The following ANO3 variants were observed in gnomAD, a reference collection of about 807,000 sequenced individuals.
ANO3 encodes the protein anoctamin 3, also known as anoctamin-3.
Under a neutral mutation model 144.8 loss-of-function variants are expected in ANO3, and 99 were observed. The observed-to-expected ratio is 0.68, with a 90% confidence interval of 0.58 to 0.81. ANO3 has a LOEUF of 0.81. Ranked by LOEUF, ANO3 falls within the 30% of genes least tolerant of loss-of-function variation. ANO3 has a pLI of 0.00. For missense variants in ANO3, 905 were observed against 1,202.2 expected (o/e 0.75, Z 3.66); for synonymous variants, 414 against 392.6 (o/e 1.05, Z -0.64).
intron 14 of ANO3, among the ~76,000 whole-genome samples, chr11:26,586,714 A>AG (rs11429922): frequency 0.87 from 131,853 of 150,906 alleles, 57,936 homozygotes; most frequent in East Asian, 0.96. Context: ...CGTGTTAGCC[A>AG]GATGGTCTCG....
At chr11:26,264,506 A>G (rs989965011) in intron 1 of ANO3, among the ~76,000 whole-genome samples, 2 of 152,194 alleles carry the variant, frequency 1.3e-5, no homozygotes, top group Admixed American at 6.5e-5. Flanking sequence ...TTATTTTGAT[A>G]CTATTTGTGT....
At chr11:26,576,656 G>T (rs1036199336) in intron 14 of ANO3, among the ~76,000 whole-genome samples, 44 of 152,034 alleles carry the variant, frequency 2.9e-4, no homozygotes, top group African/African-American at 9.7e-4. Flanking sequence ...TCCTCCTGCT[G>T]CATTTTCTTC....
chr11:26,273,246 A>T (rs79033400), intron 1 of ANO3, among the ~76,000 whole-genome samples: 16,888 of 77,378 alleles, frequency 0.22, 970 homozygotes, highest in African/African-American at 0.25. Context: ...TTTTTTTTTT[A>T]TATTGGACAA....
intron 1 of ANO3, among the ~76,000 whole-genome samples, chr11:26,236,111 T>C (rs1361132719): frequency 6.6e-6 from 1 of 152,202 alleles, no homozygotes; most frequent in Non-Finnish European, 1.5e-5. Context: ...AGGTCCACAT[T>C]ATCCCATTCT....
At position 26,401,969 on chromosome 11, in the gene ANO3, C is replaced by T. The variant is rs116960616; in HGVS notation, c.47-39949C>T. Among the ~76,000 whole-genome samples, 21 of 152,148 alleles carry T rather than the reference C, an allele frequency of 1.4e-4. No individual in the cohort carries two copies. The East Asian group carries it at 3.5e-3, about 25-fold the overall frequency. On this transcript the variant is annotated intron_variant, in intron 1 of 26. Coordinates refer to ENST00000256737, the MANE Select transcript of ANO3 (RefSeq NM_031418.4). ...GCAAAACAGCTTAAACAGTGAGGAA[C>T]ATGATCTCATTCTTTTTATGGTTAC... is the stretch of plus-strand genomic sequence containing the variant.
At chr11:26,310,285 G>T (rs182457261) in intron 1 of ANO3, among the ~76,000 whole-genome samples, 17 of 152,154 alleles carry the variant, frequency 1.1e-4, no homozygotes, top group African/African-American at 4.1e-4. Context: ...TTTGAGGCCC[G>T]CTTTTCAAGA....
intron 1 of ANO3, among the ~76,000 whole-genome samples, chr11:26,276,863 A>T (rs1853570509): frequency 6.6e-6 from 1 of 152,134 alleles, no homozygotes; most frequent in South Asian, 2.1e-4. Context: ...AAAGAGACTC[A>T]AATGATATTT....
intron 17 of ANO3, among the ~76,000 whole-genome samples, chr11:26,615,799 G>T (rs1209229628): frequency 6.6e-6 from 1 of 151,834 alleles, no homozygotes; most frequent in Admixed American, 6.6e-5. Flanking sequence ...TCATTTCAAG[G>T]TATGAAAACA....
At chr11:26,379,262 T>C (rs1410370159) in intron 1 of ANO3, among the ~76,000 whole-genome samples, 1 of 152,164 alleles carries the variant, frequency 6.6e-6, no homozygotes, top group Admixed American at 6.6e-5. Flanking sequence ...ATACAGAATC[T>C]CATAACCCTG....
At chr11:26,279,561 A>G (rs1853632870) in intron 1 of ANO3, among the ~76,000 whole-genome samples, 1 of 152,214 alleles carries the variant, frequency 6.6e-6, no homozygotes, top group South Asian at 2.1e-4. Flanking sequence ...AAGAGTACAA[A>G]TAGTCAAGAA....
chr11:26,554,101 T>C (rs966007320), intron 13 of ANO3, among the ~76,000 whole-genome samples: 2 of 152,106 alleles, frequency 1.3e-5, no homozygotes, highest in Admixed American at 1.3e-4. Context: ...CTCCCTGACC[T>C]TCCCCTGTGC....
Position 26,332,766 on chromosome 11 carries a change from C to T in ANO3, c.46+445C>T, listed in dbSNP as rs75040681. ...TACACAATCATAAGATAAATGAATT[C>T]TTGGGGGAGTTCCAGAGTTGGCCTG... On this transcript the variant is annotated intron_variant, in intron 1 of 26. Coordinates refer to ENST00000256737, the MANE Select transcript of ANO3 (RefSeq NM_031418.4). Among the ~76,000 whole-genome samples, 459 of 152,194 alleles carry T rather than the reference C, an allele frequency of 3.0e-3. 4 individuals carry two copies. The highest frequency in any genetic ancestry group is 0.011 in the African/African-American group (442 of 41,530).
At chr11:26,264,371 C>T (rs934043732) in intron 1 of ANO3, among the ~76,000 whole-genome samples, 6 of 152,128 alleles carry the variant, frequency 3.9e-5, no homozygotes, top group African/African-American at 1.4e-4. Context: ...ACCAGATAAT[C>T]CCTGAAAGAA....
intron 1 of ANO3, among the ~76,000 whole-genome samples, chr11:26,258,975 T>C (rs1336300202): frequency 6.6e-6 from 1 of 152,200 alleles, no homozygotes; most frequent in Non-Finnish European, 1.5e-5. Flanking sequence ...GACATATTCA[T>C]GGAGTTTAGA....
chr11:26,413,388 A>T (rs1041100399), intron 1 of ANO3, among the ~76,000 whole-genome samples: 1 of 151,974 alleles, frequency 6.6e-6, no homozygotes, highest in Non-Finnish European at 1.5e-5. Context: ...GAAGGTAAGG[A>T]TGCCATGCAT....
intron 3 of ANO3, among the ~76,000 whole-genome samples, chr11:26,462,552 T>A (rs769949378): frequency 6.6e-6 from 1 of 151,874 alleles, no homozygotes; most frequent in Non-Finnish European, 1.5e-5. Flanking sequence ...TTTCTTGTAA[T>A]GTTTATTAAG....
intron 17 of ANO3, among the ~76,000 whole-genome samples, chr11:26,607,741 T>C (rs1358252081): frequency 1.3e-5 from 2 of 152,214 alleles, no homozygotes; most frequent in Non-Finnish European, 2.9e-5. Flanking sequence ...TTGATACTTG[T>C]GTATGCTTTA....
At position 26,542,672 on chromosome 11, in the gene ANO3, C is replaced by G. The variant is rs190025724; in HGVS notation, c.1154+604C>G. Among the ~76,000 whole-genome samples, 24 of 152,246 alleles carry G rather than the reference C, an allele frequency of 1.6e-4. No homozygotes were observed. The South Asian group carries it at 4.8e-3, about 30-fold the overall frequency. The stretch of plus-strand genomic sequence containing the variant: ...ATTTACTGTTCAACAAAGATCTACT[C>G]TACTTCAGGATGCATATTCTAGTAA... On this transcript the variant is annotated intron_variant, in intron 11 of 26. Coordinates refer to ENST00000256737, the MANE Select transcript of ANO3 (RefSeq NM_031418.4).
chr11:26,557,334 G>A (rs61877022), intron 13 of ANO3, among the ~76,000 whole-genome samples: 4,312 of 151,522 alleles, frequency 0.028, 98 homozygotes, highest in Non-Finnish European at 0.047. Flanking sequence ...GGTGGCGGGC[G>A]CCTGTAGTCC....
Sources: allele counts gnomAD v4.1 joint callset (sites outside exome capture counted in the v4.1 genomes callset), GRCh38; gene constraint gnomAD v4.1.1; transcripts MANE v1.5; gene names NCBI Gene and HGNC (gene_info 2026-07-23, HGNC 2026-07-21).